Variants in L3MBTL2 observed in about 807,000 individuals in gnomAD.
The protein encoded by L3MBTL2 is L3MBTL histone methyl-lysine binding protein 2.
Under a neutral mutation model 86.4 loss-of-function variants are expected in L3MBTL2, and 49 were observed. That is an observed-to-expected ratio of 0.57 (90% CI 0.45 to 0.72). The LOEUF (loss-of-function observed/expected upper bound fraction) is 0.72. Ranked by LOEUF, L3MBTL2 falls within the 30% of genes least tolerant of loss-of-function variation. The pLI is 0.00. For synonymous variants in L3MBTL2, 336 were observed against 350.6 expected (o/e 0.96, Z 0.47); for missense variants, 755 against 923.7 (o/e 0.82, Z 2.37).
At position 41,207,236 on chromosome 22, in the gene L3MBTL2, C is replaced by CTT. The variant is rs753351369; in HGVS notation, c.24+1874_24+1875dup. Among the ~76,000 whole-genome samples, 346 of 120,496 alleles carry CTT rather than the reference C, an allele frequency of 2.9e-3. 2 individuals carry two copies. Among genetic ancestry groups the CTT allele is most frequent in the African/African-American group, 5.2e-3 (164 of 31,340 alleles). 79.1% of individuals were successfully genotyped at this position (120,496 alleles called of 152,430 possible). Reference sequence around the variant, plus strand: ...TCGTCTCTTACTTCTCCCCCAAATCCTTTTTTTTTTTTTTTTTTTTTTTTT... The same window carrying CTT: ...TCGTCTCTTACTTCTCCCCCAAATCCTTTTTTTTTTTTTTTTTTTTTTTTTTT... On this transcript the variant is annotated intron_variant, in intron 1 of 16. Coordinates refer to ENST00000216237, the MANE Select transcript of L3MBTL2 (RefSeq NM_031488.5).
At position 41,225,256 on chromosome 22, in the gene L3MBTL2, C is replaced by T. The variant is rs1002258116; in HGVS notation, c.1356+185C>T. On this transcript the variant is annotated intron_variant, in intron 11 of 16. Transcript: ENST00000216237. This position sits in a 1 kb window ranked among gnomAD's most constrained non-coding sequence, Gnocchi z 4.1. The stretch of plus-strand genomic sequence containing the variant: ...CTGCCCCTTGCTCAGAATCTGCTTT[C>T]GTGTCAGGGTCCAAGGCTCCCTGGA... 1.3e-5 allele frequency among the ~76,000 whole-genome samples: 2 copies of T among 152,208 alleles called. No individual in the cohort carries two copies. The highest frequency in any genetic ancestry group is 4.8e-5 in the African/African-American group (2 of 41,458).
intron 2 of L3MBTL2, among the ~76,000 whole-genome samples, chr22:41,211,856 CTTTTTTTTTTTTTT>C (rs35869187): frequency 4.4e-5 from 3 of 67,902 alleles, no homozygotes; most frequent in African/African-American, 7.4e-5. Flanking sequence ...CGCACCCGGC[CTTTTTTTTTTTTTT>C]TTTTTTTTTT....
In L3MBTL2 at chr22:41,230,310, C is replaced by A; in HGVS notation, c.*59C>A. 1.6e-6 allele frequency: 2 copies of A among 1,227,190 alleles called. No individual in the cohort carries two copies. Among genetic ancestry groups the A allele is most frequent in the Non-Finnish European group, 2.4e-6 (2 of 831,800 alleles). The allele number at this position is 1,227,190 out of a possible 1,614,324, so 76.0% of individuals were successfully genotyped here. A position where few individuals can be genotyped will look rare whatever the true frequency, so the allele number is the denominator to read the frequency against. On this transcript the variant is annotated 3_prime_UTR_variant, in exon 17 of 17. Coordinates refer to ENST00000216237, the MANE Select transcript of L3MBTL2 (RefSeq NM_031488.5). ...AGCCAGCCCAGCGTTTCTCTACCAC[C>A]ACCACCATGCCTCCACCTGACTTTG...
chr22:41,219,578 A>C, intron 6 of L3MBTL2, 42 bp downstream of exon 6: 2 of 1,290,890 alleles, frequency 1.5e-6, no homozygotes, highest in Non-Finnish European at 2.3e-6. Context: ...GTGTCTGCAG[A>C]GTGACATCTC....
At chr22:41,212,173 T>A in intron 2 of L3MBTL2, among the ~76,000 whole-genome samples, 1 of 152,124 alleles carries the variant, frequency 6.6e-6, no homozygotes, top group East Asian at 1.9e-4. Flanking sequence ...CTTACTTCCT[T>A]TCTATTTATA....
At chr22:41,223,961 G>A (rs1208411161) in intron 8 of L3MBTL2, 59 bp from the exon 9 acceptor site, 2 of 1,347,434 alleles carry the variant, frequency 1.5e-6, no homozygotes, top group African/African-American at 2.9e-5. Context: ...CACCAGAGCA[G>A]GAGGGTGGGT....
intron 1 of L3MBTL2, 152 bp from the exon 2 acceptor site, chr22:41,209,544 T>G (rs1266163627): frequency 1.5e-6 from 1 of 667,586 alleles, no homozygotes; most frequent in African/African-American, 1.8e-5. Context: ...GAGAAATGTG[T>G]AAATAGAAGT....
chr22:41,221,021 C>T (rs945710077), intron 7 of L3MBTL2, among the ~76,000 whole-genome samples, 153 bp downstream of exon 7: 1 of 152,140 alleles, frequency 6.6e-6, no homozygotes, highest in Admixed American at 6.5e-5. Context: ...TCCCAGAGGC[C>T]TGGGGGCAGA....
chr22:41,225,778 TC>T lies in L3MBTL2; in HGVS notation c.1357-10del, dbSNP rs1241735789. 6 of 1,601,222 alleles carry T rather than the reference TC, an allele frequency of 3.7e-6. No homozygotes were observed. The highest frequency in any genetic ancestry group is 2.3e-5 in the East Asian group (1 of 44,330). Reference sequence around the variant, plus strand: ...TTCATGATATGATCTGTCTGCCTGCTCCCCCCACCCCCCAGGTTCTCCTGGA... The same window carrying T: ...TTCATGATATGATCTGTCTGCCTGCTCCCCCACCCCCCAGGTTCTCCTGGA... On this transcript the variant is annotated splice_polypyrimidine_tract_variant and intron_variant, in intron 11 of 16. Coordinates refer to ENST00000216237, the MANE Select transcript of L3MBTL2 (RefSeq NM_031488.5). This position sits in a 1 kb window ranked among gnomAD's most constrained non-coding sequence, Gnocchi z 4.1.
chr22:41,227,375 T>A lies in L3MBTL2; in HGVS notation c.1822+52T>A, dbSNP rs754315686. On this transcript the variant is annotated intron_variant, in intron 14 of 16. Coordinates refer to ENST00000216237, the MANE Select transcript of L3MBTL2 (RefSeq NM_031488.5). This position sits in a 1 kb window ranked among gnomAD's most constrained non-coding sequence, Gnocchi z 6.0. ...CTCTGACTTTCTTTCCTCTTCTTTT[T>A]TCCTTCTTCCCCCGCCCCTGTGCCC... 3 of 1,493,858 alleles carry A rather than the reference T, an allele frequency of 2.0e-6. No homozygotes were observed. In the South Asian group the frequency reaches 3.6e-5, roughly 18 times the overall value. The allele number at this position is 1,493,858 out of a possible 1,614,324, so 92.5% of individuals were successfully genotyped here. A position where few individuals can be genotyped will look rare whatever the true frequency, so the allele number is the denominator to read the frequency against.
chr22:41,224,813 C>T lies in L3MBTL2; in HGVS notation c.1251+12C>T, dbSNP rs1475188670. ...ACCTCTTCAAGAAGGTGAGGTTCAGCTCTTGGGCGCTTTTCCCCTCAGCCA... is the reference window on the plus strand; with the variant it reads ...ACCTCTTCAAGAAGGTGAGGTTCAGTTCTTGGGCGCTTTTCCCCTCAGCCA... On this transcript the variant is annotated intron_variant, in intron 10 of 16. Coordinates refer to ENST00000216237, the MANE Select transcript of L3MBTL2 (RefSeq NM_031488.5). The surrounding 1 kb of genome is among the most constrained non-coding windows in gnomAD (Gnocchi z 4.9). The T allele has an allele frequency of 2.5e-6, 4 of 1,609,960 alleles. No individual in the cohort carries two copies. The highest frequency in any genetic ancestry group is 1.3e-5 in the African/African-American group (1 of 74,826).
intron 5 of L3MBTL2, chr22:41,217,421 C>T (rs2031474573): frequency 1.9e-6 from 1 of 538,174 alleles, no homozygotes. Context: ...GGTCTGAAGC[C>T]CTTCAGTTTA....
intron 8 of L3MBTL2, among the ~76,000 whole-genome samples, chr22:41,221,892 C>T (rs749432351): frequency 4.1e-5 from 6 of 147,992 alleles, no homozygotes; most frequent in African/African-American, 7.5e-5. Flanking sequence ...CATGAGCCAC[C>T]GCGCCCAGCC....
At chr22:41,220,088 C>A (rs968539223) in intron 6 of L3MBTL2, among the ~76,000 whole-genome samples, 8 of 152,198 alleles carry the variant, frequency 5.3e-5, no homozygotes, top group Non-Finnish European at 1.0e-4. Context: ...GTGGCTCACA[C>A]CTCTAATCCC....
intron 2 of L3MBTL2, among the ~76,000 whole-genome samples, chr22:41,213,042 C>T (rs1601500074): frequency 6.6e-6 from 1 of 152,012 alleles, no homozygotes; most frequent in South Asian, 2.1e-4. Flanking sequence ...ATGGTGAAAC[C>T]CCGTCTCTAC....
At position 41,224,296 on chromosome 22, in the gene L3MBTL2, C is replaced by T; in HGVS notation, c.1174+45C>T. The T allele has an allele frequency of 2.6e-6, 4 of 1,517,912 alleles. No homozygotes were observed. Among genetic ancestry groups the T allele is most frequent in the Non-Finnish European group, 3.6e-6 (4 of 1,102,246 alleles). The allele number at this position is 1,517,912 out of a possible 1,614,324, so 94.0% of individuals were successfully genotyped here. A position where few individuals can be genotyped will look rare whatever the true frequency, so the allele number is the denominator to read the frequency against. On this transcript the variant is annotated intron_variant, in intron 9 of 16. Transcript: ENST00000216237. The surrounding 1 kb of genome is among the most constrained non-coding windows in gnomAD (Gnocchi z 4.9). ...AGAGGGACTGCATGCTGTGCTTCCCCAGGGACGGAGTGGGAGCACCTTCCT... is the reference window on the plus strand; with the variant it reads ...AGAGGGACTGCATGCTGTGCTTCCCTAGGGACGGAGTGGGAGCACCTTCCT...
intron 7 of L3MBTL2, 118 bp downstream of exon 7, chr22:41,220,986 G>T: frequency 8.0e-7 from 1 of 1,251,216 alleles, no homozygotes; most frequent in Non-Finnish European, 1.1e-6. Flanking sequence ...GAATCCACTT[G>T]CCCCCTGGCT....
chr22:41,222,648 A>C (rs964864622), intron 8 of L3MBTL2, among the ~76,000 whole-genome samples: 5 of 151,858 alleles, frequency 3.3e-5, no homozygotes, highest in African/African-American at 1.2e-4. Context: ...GGCACGGCAC[A>C]GTGGCTTACT....
intron 3 of L3MBTL2, 108 bp downstream of exon 3, chr22:41,214,134 G>A: frequency 9.0e-7 from 1 of 1,106,036 alleles, no homozygotes; most frequent in South Asian, 1.4e-5. Context: ...CCTTGCTTGT[G>A]GCCAGCTGGT....
Sources: gnomAD v4.1 joint callset for allele counts (sites outside exome capture counted in the v4.1 genomes callset) on GRCh38, gnomAD v4.1.1 for gene constraint, Gnocchi (gnomAD v3.1) non-coding constraint, MANE v1.5 for transcripts, NCBI Gene and HGNC (gene_info 2026-07-23, HGNC 2026-07-21) for gene names.